Variants in EPHA7 observed in about 807,000 individuals in gnomAD.
The protein encoded by EPHA7 is EPH receptor A7.
In EPHA7, 25 loss-of-function variants were observed where a neutral mutation model predicts 112.6. The ratio of observed to expected loss-of-function variants is 0.22; its 90% confidence interval spans 0.16 to 0.31. EPHA7 has a LOEUF of 0.31. EPHA7 is among the 10% of genes least tolerant of loss of function. The pLI is 1.00. For synonymous variants in EPHA7, 437 were observed against 406.5 expected (o/e 1.07, Z -0.90); for missense variants, 962 against 1,212.6 (o/e 0.79, Z 3.07).
chr6:93,300,162 C>T (rs1326847625), intron 5 of EPHA7, among the ~76,000 whole-genome samples: 1 of 152,100 alleles, frequency 6.6e-6, no homozygotes, highest in Admixed American at 6.6e-5. Flanking sequence ...GTGATTTAAA[C>T]ACAGATTGTT....
At chr6:93,414,858 C>T (rs1779148739) in intron 1 of EPHA7, 91 bp from the exon 2 acceptor site, 1 of 946,554 alleles carries the variant, frequency 1.1e-6, no homozygotes, top group Non-Finnish European at 1.6e-6. Context: ...ATATAACTAT[C>T]ACTATATGAC....
chr6:93,346,397 A>G (rs980578262), intron 5 of EPHA7, among the ~76,000 whole-genome samples: 3 of 151,756 alleles, frequency 2.0e-5, no homozygotes, highest in Non-Finnish European at 4.4e-5. Context: ...CATAAAAACT[A>G]ATTCATGACT....
chr6:93,365,623 T>C (rs952745605), intron 3 of EPHA7, among the ~76,000 whole-genome samples: 1 of 152,140 alleles, frequency 6.6e-6, no homozygotes, highest in African/African-American at 2.4e-5. Flanking sequence ...CTGTCACTAA[T>C]ATTCTATGAT....
chr6:93,333,628 G>A (rs1341638777), intron 5 of EPHA7, among the ~76,000 whole-genome samples: 1 of 151,848 alleles, frequency 6.6e-6, no homozygotes, highest in African/African-American at 2.4e-5. Flanking sequence ...AATGATTAGT[G>A]ATGTTGAGCA....
intron 5 of EPHA7, among the ~76,000 whole-genome samples, chr6:93,336,082 A>T (rs933043070): frequency 2.6e-5 from 4 of 152,166 alleles, no homozygotes; most frequent in African/African-American, 9.6e-5. Context: ...TGTTTAAAAA[A>T]TAGTTCATGT....
intron 5 of EPHA7, among the ~76,000 whole-genome samples, chr6:93,289,038 A>G (rs1483518715): frequency 6.6e-6 from 1 of 152,198 alleles, no homozygotes; most frequent in Admixed American, 6.5e-5. Context: ...TGTTTAAATG[A>G]ATGAATAACA....
intron 3 of EPHA7, among the ~76,000 whole-genome samples, chr6:93,389,035 C>A (rs1777772327): frequency 6.6e-6 from 1 of 151,842 alleles, no homozygotes; most frequent in Non-Finnish European, 1.5e-5. Context: ...CAGACTTAAA[C>A]CAAAATAGTG....
intron 14 of EPHA7, among the ~76,000 whole-genome samples, chr6:93,253,334 C>T (rs1437727197): frequency 6.6e-6 from 1 of 152,032 alleles, no homozygotes; most frequent in Non-Finnish European, 1.5e-5. Flanking sequence ...TCATCCAATT[C>T]AAAATATCAA....
At chr6:93,329,591 C>CT (rs1039296938) in intron 5 of EPHA7, among the ~76,000 whole-genome samples, 3 of 151,042 alleles carry the variant, frequency 2.0e-5, no homozygotes. Flanking sequence ...TCTTTGTATA[C>CT]TTTTTTTAAA....
intron 3 of EPHA7, among the ~76,000 whole-genome samples, chr6:93,377,960 T>C (rs1777145041): frequency 1.3e-5 from 2 of 152,098 alleles, no homozygotes; most frequent in Admixed American, 6.6e-5. Context: ...CCTGCCCTCA[T>C]AGACCTCTCA....
intron 5 of EPHA7, among the ~76,000 whole-genome samples, chr6:93,288,496 T>C (rs2127833076): frequency 6.6e-6 from 1 of 152,344 alleles, no homozygotes. Flanking sequence ...CACAGCTCAG[T>C]ACATTTATTA....
At chr6:93,285,566 G>C (rs1562068920) in intron 5 of EPHA7, among the ~76,000 whole-genome samples, 1 of 152,166 alleles carries the variant, frequency 6.6e-6, no homozygotes, top group Non-Finnish European at 1.5e-5. Context: ...TATTAACTAT[G>C]CAAAAGAGAA....
chr6:93,257,119 T>C (rs1472054385), intron 12 of EPHA7, among the ~76,000 whole-genome samples: 1 of 152,114 alleles, frequency 6.6e-6, no homozygotes, highest in Non-Finnish European at 1.5e-5. Flanking sequence ...AGAATGGTTA[T>C]CTCACCTTTT....
rs1371494044 is a variant in EPHA7, at chr6:93,327,160, G to A, written c.1324+29557C>T. ...TTCTGATGGCCACTAGACTCATACT[G>A]AATTGATTATATCCAAAGTTCAGTT... On this transcript the variant is annotated intron_variant, in intron 5 of 16. Transcript: ENST00000369303. Among the ~76,000 whole-genome samples, 2 of 151,516 alleles carry A rather than the reference G, an allele frequency of 1.3e-5. 1 individual carries two copies. The highest frequency in any genetic ancestry group is 6.3e-3 in the Middle Eastern group (2 of 316).
At chr6:93,408,119 A>G (rs1430727727) in intron 3 of EPHA7, among the ~76,000 whole-genome samples, 2 of 151,938 alleles carry the variant, frequency 1.3e-5, no homozygotes, top group Non-Finnish European at 2.9e-5. Flanking sequence ...CTTTAATGTT[A>G]TTTCCTATCT....
At chr6:93,366,541 A>G (rs780935450) in intron 3 of EPHA7, among the ~76,000 whole-genome samples, 6 of 152,142 alleles carry the variant, frequency 3.9e-5, no homozygotes, top group Non-Finnish European at 8.8e-5. Flanking sequence ...GCCCCTACAA[A>G]TATACCATAT....
chr6:93,264,853 A>T, intron 7 of EPHA7, 151 bp from the exon 8 acceptor site: 1 of 432,672 alleles, frequency 2.3e-6, no homozygotes, highest in Non-Finnish European at 4.1e-6. Context: ...ATAAATGTTT[A>T]TTTCTGCCTT....
intron 5 of EPHA7, among the ~76,000 whole-genome samples, chr6:93,336,609 G>A (rs1774888461): frequency 6.6e-6 from 1 of 151,970 alleles, no homozygotes; most frequent in Non-Finnish European, 1.5e-5. Context: ...CACTGTGTTA[G>A]CCAGGATGGT....
intron 10 of EPHA7, 43 bp from the exon 11 acceptor site, chr6:93,258,327 T>C (rs915566883): frequency 1.7e-5 from 25 of 1,495,806 alleles, no homozygotes; most frequent in Non-Finnish European, 1.9e-5. Flanking sequence ...TTTCTAAATA[T>C]TGTAATTTTC....
Sources: gnomAD v4.1 joint callset for allele counts (sites outside exome capture counted in the v4.1 genomes callset) on GRCh38, gnomAD v4.1.1 for gene constraint, MANE v1.5 for transcripts, NCBI Gene and HGNC (gene_info 2026-07-23, HGNC 2026-07-21) for gene names.